Variants in IKZF5 observed in about 807,000 individuals in gnomAD.
IKZF5 encodes the protein IKAROS family zinc finger 5, also known as zinc finger protein Pegasus.
Under a neutral mutation model 30.7 loss-of-function variants are expected in IKZF5, and 4 were observed. The observed-to-expected ratio is 0.13, with a 90% CI of 0.06 to 0.30. The LOEUF is 0.30. IKZF5 is among the 10% of genes least tolerant of loss of function. IKZF5 has a pLI of 1.00. For missense variants in IKZF5, 348 were observed against 525.5 expected, an observed-to-expected ratio of 0.66 and a Z score of 3.30; for synonymous variants, 148 against 179.6, an observed-to-expected ratio of 0.82 and a Z score of 1.41.
intron 3 of IKZF5, chr10:122,997,173 G>A (rs1352270328): frequency 6.6e-6 from 1 of 152,208 alleles, no homozygotes; most frequent in Non-Finnish European, 1.5e-5. Context: ...AAATGGCTGG[G>A]ACTACAACCC....
intron 3 of IKZF5, among the ~76,000 whole-genome samples, chr10:122,997,764 A>AATGAGC (rs1849430623): frequency 6.6e-6 from 1 of 152,234 alleles, no homozygotes; most frequent in African/African-American, 2.4e-5. Context: ...TATGTAAACA[A>AATGAGC]ATGAGCATAT....
chr10:122,994,267 A>G lies in IKZF5; in HGVS notation c.773T>C (p.Leu258Pro). 3 of 1,614,004 alleles carry G rather than the reference A, an allele frequency of 1.9e-6. No individual in the cohort carries two copies. Among genetic ancestry groups the G allele is most frequent in the South Asian group, 1.1e-5 (1 of 91,040 alleles). The change falls in exon 5 of 5, where the codon CTA becomes CCA. Residue 258 changes from leucine to proline, a missense_variant. This residue lies in a region of IKZF5 where 176 missense variants were observed against 198.2 expected (regional missense o/e 0.89). Coordinates refer to ENST00000368886, the MANE Select transcript of IKZF5 (RefSeq NM_001372123.1). This position sits in a 1 kb window ranked among gnomAD's most constrained non-coding sequence, Gnocchi z 5.6. ...VDNPLNQLSTLAGQLSSLPPE... is the reference protein window; with the variant it reads ...VDNPLNQLSTPAGQLSSLPPE... ...TGGCAGACTGGACAACTGCCCTGCT[A>G]GAGTCGAGAGCTGATTCAAAGGGTT... is the stretch of plus-strand genomic sequence containing the variant.
In IKZF5 at chr10:122,993,951, CAGA is replaced by C. The variant is rs773081271; in HGVS notation, c.1086_1088del (p.Leu363del). ...ACATATCACAGTGCTGGCAGTGGTG[CAGA>C]AGCTGAGGGTCCTGGACCGGCAGGG... On this transcript the variant is annotated inframe_deletion, in exon 5 of 5. Transcript: ENST00000368886. The C allele has an allele frequency of 1.2e-5, 19 of 1,613,984 alleles. No individual in the cohort carries two copies. Among genetic ancestry groups the C allele is most frequent in the African/African-American group, 4.0e-5 (3 of 74,900 alleles).
At chr10:122,997,644 T>C (rs1849425229) in intron 3 of IKZF5, 1 of 152,228 alleles carries the variant, frequency 6.6e-6, no homozygotes, top group Admixed American at 6.5e-5. Flanking sequence ...GCAAACTTTT[T>C]CTATAGGCAT....
At chr10:122,996,814 T>C (rs1849390056) in intron 3 of IKZF5, among the ~76,000 whole-genome samples, 1 of 152,126 alleles carries the variant, frequency 6.6e-6, no homozygotes, top group Non-Finnish European at 1.5e-5. Flanking sequence ...CACTGGAGAG[T>C]GATGGCACAG....
chr10:122,993,520 A>C lies in IKZF5; in HGVS notation c.*260T>G, dbSNP rs1849239521. ...CAAATGAACATCTTGTAAGATTATG[A>C]CTGCACTCCAATTCTCCAATGTCGA... On this transcript the variant is annotated 3_prime_UTR_variant, in exon 5 of 5. Coordinates refer to ENST00000368886, the MANE Select transcript of IKZF5 (RefSeq NM_001372123.1). The C allele has an allele frequency of 3.6e-6, 1 of 279,790 alleles. No individual in the cohort carries two copies. Among genetic ancestry groups the C allele is most frequent in the African/African-American group, 2.2e-5 (1 of 45,510 alleles). The allele number at this position is 279,790 out of a possible 1,614,324, so 17.3% of individuals were successfully genotyped here. A position where few individuals can be genotyped will look rare whatever the true frequency, so the allele number is the denominator to read the frequency against.
intron 2 of IKZF5, among the ~76,000 whole-genome samples, chr10:123,001,913 T>A (rs1046635764): frequency 1.3e-5 from 2 of 152,236 alleles, no homozygotes; most frequent in African/African-American, 4.8e-5. Context: ...GAATCAAAAC[T>A]TCTTCTTTGA....
Position 122,993,854 on chromosome 10 carries a change from T to C in IKZF5, c.1186A>G (p.Ile396Val). 1.2e-6 allele frequency: 2 copies of C among 1,614,164 alleles called. No homozygotes were observed. Among genetic ancestry groups the C allele is most frequent in the Non-Finnish European group, 1.7e-6 (2 of 1,179,996 alleles). Residue 396 changes from isoleucine (I) to valine (V), a missense_variant, in exon 5 of 5, where the codon ATA becomes GTA. Transcript: ENST00000368886. The stretch of plus-strand genomic sequence containing the variant: ...TTGTTTTTACATTTGCATCCACATA[T>C]ATTACACTGAAAAGGATTTTCATAC... ...HGYENPFQCN[I>V]CGCKCKNKYD...
chr10:123,007,659 T>C (rs1488992485), intron 1 of IKZF5, among the ~76,000 whole-genome samples: 1 of 152,090 alleles, frequency 6.6e-6, no homozygotes, highest in Non-Finnish European at 1.5e-5. Context: ...TATCCTATCA[T>C]AACACAAAAC....
intron 2 of IKZF5, among the ~76,000 whole-genome samples, chr10:123,005,531 G>A (rs1849748877): frequency 6.6e-6 from 1 of 152,148 alleles, no homozygotes; most frequent in African/African-American, 2.4e-5. Context: ...AGATGTGGGT[G>A]GTGTTATTAC....
chr10:122,998,136 T>G (rs994044002), intron 3 of IKZF5: 1 of 161,754 alleles, frequency 6.2e-6, no homozygotes. Flanking sequence ...AACCCCTATT[T>G]TTATCTCAGG....
rs1849931233 is a variant in IKZF5, at chr10:123,008,754, CGTCTTCGTCACCGTCACA to C, written c.-276_-259del. 1 of 598,124 alleles carries C rather than the reference CGTCTTCGTCACCGTCACA, an allele frequency of 1.7e-6. No individual in the cohort carries two copies. Among genetic ancestry groups the C allele is most frequent in the Admixed American group, 2.9e-5 (1 of 34,720 alleles). The allele number at this position is 598,124 out of a possible 1,614,324, so 37.1% of individuals were successfully genotyped here. A position where few individuals can be genotyped will look rare whatever the true frequency, so the allele number is the denominator to read the frequency against. On this transcript the variant is annotated 5_prime_UTR_variant, in exon 1 of 5. Coordinates refer to ENST00000368886, the MANE Select transcript of IKZF5 (RefSeq NM_001372123.1). ...TGTTAAATGCCGTCGCCGCCGCCGC[CGTCTTCGTCACCGTCACA>C]GTCGCCGCCGCCATCTTTGTTGTGT...
chr10:122,993,786 T>G lies in IKZF5; in HGVS notation c.1254A>C (p.Gln418His). 1 of 1,583,578 alleles carries G rather than the reference T, an allele frequency of 6.3e-7. No individual in the cohort carries two copies. Among genetic ancestry groups the G allele is most frequent in the Middle Eastern group, 1.7e-4 (1 of 5,900 alleles). ...AAAATATGACTATTTTCAATCAATG[T>G]TGGTTATGTTGCCCTCTTGCAAAAT... ...ACHFARGQHN[Q>H]H Residue 418 changes from glutamine to histidine, a missense_variant, in exon 5 of 5, where the codon CAA (glutamine) becomes CAC (histidine). By Grantham distance (24) the Gln-to-His change is conservative. Around this residue, in one of 4 missense-constraint regions of IKZF5, gnomAD observed 56 missense variants for 104.7 expected, o/e 0.53. Coordinates refer to ENST00000368886, the MANE Select transcript of IKZF5 (RefSeq NM_001372123.1).
At position 122,994,300 on chromosome 10, in the gene IKZF5, A is replaced by G. The variant is rs1849278441; in HGVS notation, c.740T>C (p.Met247Thr). ...GAGCTGATTCAAAGGGTTATCAACC[A>G]TGAGTTCTTGGGGGTCCCTTGGAAG... The part of the protein sequence containing the change: ...GGLPRDPQEL[M>T]VDNPLNQLST... Residue 247 changes from methionine (M) to threonine (T), a missense_variant, in exon 5 of 5, where the codon ATG becomes ACG. Coordinates refer to ENST00000368886, the MANE Select transcript of IKZF5 (RefSeq NM_001372123.1). This position sits in a 1 kb window ranked among gnomAD's most constrained non-coding sequence, Gnocchi z 5.6. The G allele has an allele frequency of 5.6e-6, 9 of 1,613,824 alleles. No homozygotes were observed. Among genetic ancestry groups the G allele is most frequent in the Non-Finnish European group, 7.6e-6 (9 of 1,179,962 alleles).
At position 122,993,887 on chromosome 10, in the gene IKZF5, A is replaced by T; in HGVS notation, c.1153T>A (p.Cys385Ser). 1 of 1,614,084 alleles carries T rather than the reference A, an allele frequency of 6.2e-7. No homozygotes were observed. The highest frequency in any genetic ancestry group is 8.5e-7 in the Non-Finnish European group (1 of 1,179,902). Residue 385 changes from cysteine to serine, a missense_variant, in exon 5 of 5, where the codon TGT becomes AGT. Physicochemically the swap from Cys to Ser is moderately radical, Grantham distance 112. Around this residue, in one of 4 missense-constraint regions of IKZF5, gnomAD observed 56 missense variants for 104.7 expected, o/e 0.53. Transcript: ENST00000368886. ...TGAAAAGGATTTTCATACCCATGAC[A>T]TCCCATATGAATAGTGTAAAGGATG... ...DNILYTIHMG[C>S]HGYENPFQCN...
chr10:122,993,643 C>A lies in IKZF5; in HGVS notation c.*137G>T. On this transcript the variant is annotated 3_prime_UTR_variant, in exon 5 of 5. Coordinates refer to ENST00000368886, the MANE Select transcript of IKZF5 (RefSeq NM_001372123.1). The stretch of plus-strand genomic sequence containing the variant: ...GAAAAAAAGGGGAAATTTTATTCCA[C>A]TGACAAATTTATATTCTATAAATAT... 1.9e-6 allele frequency: 1 copy of A among 534,768 alleles called. No individual in the cohort carries two copies. The highest frequency in any genetic ancestry group is 3.2e-6 in the Non-Finnish European group (1 of 317,230). The allele number at this position is 534,768 out of a possible 1,614,324, so 33.1% of individuals were successfully genotyped here.
At chr10:123,001,633 G>T (rs1377735011) in intron 2 of IKZF5, among the ~76,000 whole-genome samples, 2 of 152,090 alleles carry the variant, frequency 1.3e-5, no homozygotes, top group Non-Finnish European at 2.9e-5. Context: ...TAAATCAAAT[G>T]GTTATATGCA....
In IKZF5 at chr10:122,996,031, T is replaced by A. The variant is rs1350048688; in HGVS notation, c.279A>T (p.Gly93=). ...TGATGTGTTCAATAAGCCGGGCTGTTCCTTTGCTGGCATAGTTGCAGTACC... is the reference window on the plus strand; with the variant it reads ...TGATGTGTTCAATAAGCCGGGCTGTACCTTTGCTGGCATAGTTGCAGTACC... The part of the protein sequence containing the change: ...KCRYCNYASK[G]TARLIEHIRI... Residue 93 remains glycine (G), a synonymous_variant, in exon 4 of 5, where the codon GGA becomes GGT. Transcript: ENST00000368886. 1.9e-6 allele frequency: 3 copies of A among 1,614,096 alleles called. No individual in the cohort carries two copies. In the East Asian group the frequency reaches 6.7e-5, roughly 36 times the overall value.
At position 122,993,373 on chromosome 10, in the gene IKZF5, A is replaced by C. The variant is rs1849233525; in HGVS notation, c.*407T>G. ...TAAACACTGAAATGAGTAGTAATAA[A>C]TTCTGTAATTTATTCTACCATTTTG... On this transcript the variant is annotated 3_prime_UTR_variant, in exon 5 of 5. Coordinates refer to ENST00000368886, the MANE Select transcript of IKZF5 (RefSeq NM_001372123.1). The C allele has an allele frequency of 6.5e-6, 1 of 154,388 alleles. No individual in the cohort carries two copies. Among genetic ancestry groups the C allele is most frequent in the South Asian group, 2.0e-4 (1 of 4,880 alleles). 9.6% of individuals were successfully genotyped at this position (154,388 alleles called of 1,614,324 possible). A position where few individuals can be genotyped will look rare whatever the true frequency, so the allele number is the denominator to read the frequency against.
Sources: gnomAD v4.1 joint callset for allele counts (sites outside exome capture counted in the v4.1 genomes callset) on GRCh38, gnomAD v4.1.1 for gene constraint, gnomAD v4.1.1 regional missense constraint, Gnocchi (gnomAD v3.1) non-coding constraint, MANE v1.5 for transcripts, NCBI Gene and HGNC (gene_info 2026-07-23, HGNC 2026-07-21) for gene names.